Variants in PCDHGB4 observed in about 807,000 individuals in gnomAD.
PCDHGB4 encodes the protein protocadherin gamma-B4.
In PCDHGB4, 38 loss-of-function variants were observed where a neutral mutation model predicts 60.5. The ratio of observed to expected loss-of-function variants is 0.63; its 90% CI spans 0.48 to 0.82. The LOEUF (loss-of-function observed/expected upper bound fraction) is 0.82, where lower values mean the gene tolerates loss of function less well. Among genes scored for constraint, PCDHGB4 ranks in the 40% least tolerant of loss-of-function variants. PCDHGB4 has a pLI of 0.00. For synonymous variants in PCDHGB4, 456 were observed against 509.7 expected (o/e 0.89, Z 1.42); for missense variants, 1,109 against 1,209.6 (o/e 0.92, Z 1.23).
chr5:141,448,118 G>A (rs1356488538), intron 1 of PCDHGB4, among the ~76,000 whole-genome samples: 1 of 151,534 alleles, frequency 6.6e-6, no homozygotes, highest in East Asian at 1.9e-4. Flanking sequence ...AAGAAAATTA[G>A]CCTCCCCCAC....
intron 1 of PCDHGB4, chr5:141,405,289 C>G (rs1206637203): frequency 1.7e-5 from 28 of 1,614,070 alleles, no homozygotes; most frequent in Non-Finnish European, 2.4e-5. Context: ...CAGACACACT[C>G]ATCAGCCAGC....
intron 3 of PCDHGB4, among the ~76,000 whole-genome samples, chr5:141,507,893 G>C (rs750472786): frequency 2.2e-4 from 33 of 152,356 alleles, no homozygotes; most frequent in Non-Finnish European, 4.1e-4. Context: ...AGAGGTTCCT[G>C]AAGTCCAGCC....
At chr5:141,421,579 T>A (rs753573473) in intron 1 of PCDHGB4, 1 of 1,613,934 alleles carries the variant, frequency 6.2e-7, no homozygotes, top group Non-Finnish European at 8.5e-7. Flanking sequence ...CTTGAAGATT[T>A]ACGGAGTGGA....
chr5:141,490,796 A>G lies in PCDHGB4; in HGVS notation c.2398-4011A>G. ...CCAGAGGATGGACGGATCTTTGCCC[A>G]GCGTACCTTTGACTATGAATTGCTG... On this transcript the variant is annotated intron_variant, in intron 1 of 3. Coordinates refer to ENST00000519479, the MANE Select transcript of PCDHGB4 (RefSeq NM_003736.4). The surrounding 1 kb of genome is among the most constrained non-coding windows in gnomAD (Gnocchi z 5.4). The G allele has an allele frequency of 6.2e-7, 1 of 1,613,978 alleles. No individual in the cohort carries two copies. The highest frequency in any genetic ancestry group is 8.5e-7 in the Non-Finnish European group (1 of 1,179,904).
intron 1 of PCDHGB4, among the ~76,000 whole-genome samples, chr5:141,483,553 C>G (rs955671854): frequency 2.0e-5 from 3 of 152,230 alleles, no homozygotes; most frequent in Admixed American, 2.0e-4. Context: ...CAGTGCCATT[C>G]ACAGAGACAG....
intron 1 of PCDHGB4, among the ~76,000 whole-genome samples, chr5:141,470,814 A>T (rs1170059292): frequency 2.6e-5 from 4 of 152,006 alleles, no homozygotes; most frequent in Admixed American, 6.5e-5. Context: ...CAGCCTTCTG[A>T]GTAGTTAGGA....
chr5:141,478,040 C>G (rs773058963), intron 1 of PCDHGB4: 1 of 1,614,160 alleles, frequency 6.2e-7, no homozygotes, highest in Non-Finnish European at 8.5e-7. Context: ...TTCACCCAGG[C>G]AGACTCTCAC....
At chr5:141,430,936 C>T (rs2097327732) in intron 1 of PCDHGB4, 4 of 1,606,984 alleles carry the variant, frequency 2.5e-6, no homozygotes, top group Admixed American at 3.4e-5. Flanking sequence ...CCCGGGAGCT[C>T]GCGGAGCGCG....
chr5:141,438,597 T>C (rs1343540280), intron 1 of PCDHGB4, among the ~76,000 whole-genome samples: 20 of 38,918 alleles, frequency 5.1e-4, no homozygotes, highest in African/African-American at 1.6e-3. Flanking sequence ...CATACATATA[T>C]ATATATATAT....
intron 1 of PCDHGB4, chr5:141,392,959 C>T (rs2092637209): frequency 6.2e-7 from 1 of 1,613,902 alleles, no homozygotes; most frequent in African/African-American, 1.3e-5. Flanking sequence ...GGTAATATCT[C>T]CAAGGACCTG....
intron 1 of PCDHGB4, chr5:141,478,109 T>G: frequency 1.2e-6 from 2 of 1,614,086 alleles, no homozygotes; most frequent in Non-Finnish European, 8.5e-7. Flanking sequence ...CCTCACTGTG[T>G]CAGTAACCGA....
At chr5:141,441,537 C>A in intron 1 of PCDHGB4, 1 of 173,250 alleles carries the variant, frequency 5.8e-6, no homozygotes, top group Non-Finnish European at 1.2e-5. Context: ...ACAATCTTCC[C>A]AAAGCCTCCA....
In PCDHGB4 at chr5:141,388,992, C is replaced by T. The variant is rs1310959225; in HGVS notation, c.1108C>T (p.Arg370Cys). ...AACACATATTGCTTTGCTCAAAGTCCGTGACAAGGATTCCAGACACAATGG... is the reference window on the plus strand; with the variant it reads ...AACACATATTGCTTTGCTCAAAGTCTGTGACAAGGATTCCAGACACAATGG... Reference protein sequence around the residue: ...LGTHIALLKVRDKDSRHNGEV... With the variant: ...LGTHIALLKVCDKDSRHNGEV... The change falls in exon 1 of 4, where the codon CGT (arginine) becomes TGT (cysteine). Residue 370 changes from arginine (R) to cysteine (C), a missense_variant. By Grantham distance (180) the Arg-to-Cys change is radical (BLOSUM62 -3). This residue lies in a region of PCDHGB4 where 1,068 missense variants were observed against 1,089.9 expected (regional missense o/e 0.98). Transcript: ENST00000519479. The T allele has an allele frequency of 1.9e-6, 3 of 1,613,834 alleles. No individual in the cohort carries two copies. The highest frequency in any genetic ancestry group is 1.3e-5 in the African/African-American group (1 of 74,904).
intron 1 of PCDHGB4, among the ~76,000 whole-genome samples, chr5:141,474,990 A>G (rs1245269630): frequency 6.6e-6 from 1 of 152,222 alleles, no homozygotes; most frequent in African/African-American, 2.4e-5. Context: ...GGTGACAACA[A>G]TTCTAAATGC....
chr5:141,490,445 A>G lies in PCDHGB4; in HGVS notation c.2398-4362A>G, dbSNP rs2099700298. 6.2e-7 allele frequency: 1 copy of G among 1,614,022 alleles called. No individual in the cohort carries two copies. The highest frequency in any genetic ancestry group is 8.5e-7 in the Non-Finnish European group (1 of 1,180,030). ...CCATTTCAGATTAAGCCTTCTGAGA[A>G]CCACTACTCGCTGCTAACCAGCCAG... On this transcript the variant is annotated intron_variant, in intron 1 of 3. Coordinates refer to ENST00000519479, the MANE Select transcript of PCDHGB4 (RefSeq NM_003736.4). The surrounding 1 kb of genome is among the most constrained non-coding windows in gnomAD (Gnocchi z 5.4).
chr5:141,486,091 G>T lies in PCDHGB4; in HGVS notation c.2398-8716G>T. ...CTACTGGAAAGCTTACTCTTTTGGG[G>T]CCCCTAGACTTTGAGAGTGAGAATT... On this transcript the variant is annotated intron_variant, in intron 1 of 3. Coordinates refer to ENST00000519479, the MANE Select transcript of PCDHGB4 (RefSeq NM_003736.4). This position sits in a 1 kb window ranked among gnomAD's most constrained non-coding sequence, Gnocchi z 5.0. 1 of 1,614,158 alleles carries T rather than the reference G, an allele frequency of 6.2e-7. No homozygotes were observed. Among genetic ancestry groups the T allele is most frequent in the South Asian group, 1.1e-5 (1 of 91,078 alleles).
intron 1 of PCDHGB4, chr5:141,419,118 T>C: frequency 6.2e-7 from 1 of 1,613,806 alleles, no homozygotes; most frequent in South Asian, 1.1e-5. Context: ...GAGTACAACG[T>C]CACCATCGCA....
At chr5:141,457,878 C>A (rs1263626843) in intron 1 of PCDHGB4, among the ~76,000 whole-genome samples, 1 of 152,190 alleles carries the variant, frequency 6.6e-6, no homozygotes, top group East Asian at 1.9e-4. Context: ...GGTTAGGAAC[C>A]CTGTGTGGGG....
chr5:141,511,140 C>T lies in PCDHGB4; in HGVS notation c.2739C>T (p.Asn913=). Reference sequence around the variant, plus strand: ...AGGCCCCAGCAGGTGGCAATGGCAACAAGAAGAAGTCGGGCAAGAAGGAGA... The same window carrying T: ...AGGCCCCAGCAGGTGGCAATGGCAATAAGAAGAAGTCGGGCAAGAAGGAGA... ...DGKAPAGGNG[N]KKKSGKKEKK is the part of the protein sequence containing the mutation. Residue 913 remains asparagine (N), a synonymous_variant, in exon 4 of 4, where the codon AAC becomes AAT. Transcript: ENST00000519479. The T allele has an allele frequency of 1.2e-6, 2 of 1,614,186 alleles. No homozygotes were observed. The highest frequency in any genetic ancestry group is 1.3e-5 in the African/African-American group (1 of 75,050).
Sources: allele counts gnomAD v4.1 joint callset (sites outside exome capture counted in the v4.1 genomes callset), GRCh38; gene constraint gnomAD v4.1.1; regional missense constraint gnomAD v4.1.1; non-coding constraint Gnocchi (gnomAD v3.1); transcripts MANE v1.5; gene names NCBI Gene and HGNC (gene_info 2026-07-23, HGNC 2026-07-21).